DOCK6: variants seen among roughly 807,000 people sequenced by gnomAD.
DOCK6 encodes dedicator of cytokinesis 6, also known as dedicator of cytokinesis protein 6.
Under a neutral mutation model 230.3 loss-of-function variants are expected in DOCK6, and 167 were observed. The ratio of observed to expected loss-of-function variants is 0.73; its 90% CI spans 0.64 to 0.82. The LOEUF (loss-of-function observed/expected upper bound fraction) is 0.82, where lower values mean the gene tolerates loss of function less well. Among genes scored for constraint, DOCK6 ranks in the 40% least tolerant of loss-of-function variants. The pLI, the probability that DOCK6 is intolerant of heterozygous loss-of-function variation, is 0.00. For missense variants in DOCK6, 2,598 were observed against 2,825.8 expected (o/e 0.92, Z 1.83); for synonymous variants, 1,148 against 1,185.0 (o/e 0.97, Z 0.64).
chr19:11,222,696 G>A lies in DOCK6; in HGVS notation c.3240+39C>T. 6.5e-7 allele frequency: 1 copy of A among 1,532,938 alleles called. No homozygotes were observed. The highest frequency in any genetic ancestry group is 8.8e-7 in the Non-Finnish European group (1 of 1,133,940). 95.0% of individuals were successfully genotyped at this position (1,532,938 alleles called of 1,614,324 possible). ...GGAGATGGACTGAAGGTGAGAGGTT[G>A]TAGGTCAAAGAGAGGAGGCAGAAGT... On this transcript the variant is annotated intron_variant, in intron 26 of 47. Transcript: ENST00000294618. This position sits in a 1 kb window ranked among gnomAD's most constrained non-coding sequence, Gnocchi z 4.0.
chr19:11,211,770 C>T lies in DOCK6; in HGVS notation c.4751+6G>A. On this transcript the variant is annotated splice_donor_region_variant and intron_variant, in intron 37 of 47. Transcript: ENST00000294618. ...GTGGCTGAAGGTGCCAGCTGGCCCA[C>T]CTCACCTGTACATGAGGTCGATGAG... 2 of 1,547,232 alleles carry T rather than the reference C, an allele frequency of 1.3e-6. No individual in the cohort carries two copies. Among genetic ancestry groups the T allele is most frequent in the Non-Finnish European group, 1.7e-6 (2 of 1,143,358 alleles).
intron 4 of DOCK6, 106 bp from the exon 5 acceptor site, chr19:11,252,354 T>A (rs1041718537): frequency 5.1e-6 from 8 of 1,579,184 alleles, no homozygotes; most frequent in Non-Finnish European, 6.9e-6. Flanking sequence ...ACCGTCCTTG[T>A]GCTCCACCAG....
chr19:11,238,026 C>T lies in DOCK6; in HGVS notation c.1832+19G>A. On this transcript the variant is annotated intron_variant, in intron 16 of 47. Coordinates refer to ENST00000294618, the MANE Select transcript of DOCK6 (RefSeq NM_020812.4). Reference sequence around the variant, plus strand: ...CCCCCATGAGTGCCCCCAAGTTCCTCACGTGTCCCCCTACATACTTGTTAT... The same window carrying T: ...CCCCCATGAGTGCCCCCAAGTTCCTTACGTGTCCCCCTACATACTTGTTAT... 1 of 1,613,598 alleles carries T rather than the reference C, an allele frequency of 6.2e-7. No individual in the cohort carries two copies. The highest frequency in any genetic ancestry group is 1.1e-5 in the South Asian group (1 of 91,056).
At position 11,235,777 on chromosome 19, in the gene DOCK6, G is replaced by A. The variant is rs530653236; in HGVS notation, c.2393-18C>T. On this transcript the variant is annotated intron_variant, in intron 20 of 47. Coordinates refer to ENST00000294618, the MANE Select transcript of DOCK6 (RefSeq NM_020812.4). ...CAGGTTCACTGCAGGGCAGAGCAGAGGTCAAGTTCCAGGGCCCAAGGCCTC... is the reference window on the plus strand; with the variant it reads ...CAGGTTCACTGCAGGGCAGAGCAGAAGTCAAGTTCCAGGGCCCAAGGCCTC... 3.2e-6 allele frequency: 5 copies of A among 1,572,958 alleles called. No individual in the cohort carries two copies. Among genetic ancestry groups the A allele is most frequent in the African/African-American group, 2.7e-5 (2 of 74,230 alleles).
chr19:11,212,142 G>T lies in DOCK6; in HGVS notation c.4501C>A (p.Arg1501Ser). Residue 1501 changes from arginine to serine, a missense_variant, in exon 36 of 48, where the codon CGT becomes AGT. Coordinates refer to ENST00000294618, the MANE Select transcript of DOCK6 (RefSeq NM_020812.4). ...QNFEIGHNFA[R>S]VKMQVTMSLS... ...GACATGGTGACCTGCATCTTCACAC[G>T]GGCAAAGTTCTGCAGGGACAGGGGC... is the stretch of plus-strand genomic sequence containing the variant. 1.2e-6 allele frequency: 2 copies of T among 1,609,724 alleles called. No individual in the cohort carries two copies. The highest frequency in any genetic ancestry group is 1.7e-6 in the Non-Finnish European group (2 of 1,179,658).
chr19:11,205,864 A>G (rs1396014253), intron 39 of DOCK6: 1 of 149,252 alleles, frequency 6.7e-6, no homozygotes, highest in Non-Finnish European at 1.5e-5. Context: ...ACCTCAAGTG[A>G]TCTGCCCGCC....
chr19:11,227,207 CGGAT>C, intron 24 of DOCK6, 126 bp downstream of exon 24: 1 of 1,261,098 alleles, frequency 7.9e-7, no homozygotes, highest in South Asian at 1.4e-5. Context: ...AATGAATGAA[CGGAT>C]CCACCCAGCA....
chr19:11,209,119 G>C lies in DOCK6; in HGVS notation c.4752-16C>G, dbSNP rs745910688. ...CCGGGCAATTCTGGAGTCCAGGTGA[G>C]GGGGGATGTGAGGAGGGGACTCACC... On this transcript the variant is annotated splice_polypyrimidine_tract_variant and intron_variant, in intron 37 of 47. Coordinates refer to ENST00000294618, the MANE Select transcript of DOCK6 (RefSeq NM_020812.4). The C allele has an allele frequency of 6.2e-7, 1 of 1,606,998 alleles. No homozygotes were observed. Among genetic ancestry groups the C allele is most frequent in the Non-Finnish European group, 8.5e-7 (1 of 1,177,388 alleles).
intron 3 of DOCK6, 78 bp downstream of exon 3, chr19:11,252,705 A>T: frequency 1.3e-6 from 2 of 1,596,576 alleles, no homozygotes; most frequent in Non-Finnish European, 1.7e-6. Flanking sequence ...CCAAGCCAGG[A>T]GCTGAAGTCG....
rs1468035835 is a variant in DOCK6 at position 11,227,383 on chromosome 19, G to A, written c.2909C>T (p.Ala970Val). 1.9e-6 allele frequency: 3 copies of A among 1,613,870 alleles called. No individual in the cohort carries two copies. In the Admixed American group the frequency reaches 5.0e-5, roughly 27 times the overall value. Residue 970 changes from alanine to valine, a missense_variant, in exon 24 of 48, where the codon GCC becomes GTC. By Grantham distance (64) the Ala-to-Val change is moderately conservative (BLOSUM62 0). Transcript: ENST00000294618. ...CTCCAGGCCCACAGAGCCCACCAAG[G>A]CAGTGATGTCGTCCAGGAAGCGTCC... Reference protein sequence around the residue: ...FPGRFLDDITALVGSVGLEVI... With the variant: ...FPGRFLDDITVLVGSVGLEVI...
chr19:11,229,393 A>G (rs1036185226), intron 22 of DOCK6: 8 of 1,072,432 alleles, frequency 7.5e-6, no homozygotes, highest in Non-Finnish European at 9.1e-6. Flanking sequence ...TCGATGGCCT[A>G]TGATGGGATG....
intron 18 of DOCK6, 168 bp downstream of exon 18, chr19:11,237,288 A>G: frequency 1.4e-6 from 1 of 695,624 alleles, no homozygotes. Flanking sequence ...TGGGGAGGAC[A>G]TGTAGGACAC....
chr19:11,226,669 C>A (rs2079669645), intron 24 of DOCK6, among the ~76,000 whole-genome samples: 2 of 151,956 alleles, frequency 1.3e-5, no homozygotes, highest in Non-Finnish European at 2.9e-5. Flanking sequence ...AGAAAAAAAA[C>A]AACAACAAAA....
intron 22 of DOCK6, 139 bp from the exon 23 acceptor site, chr19:11,229,174 G>C (rs2079722876): frequency 1.7e-6 from 2 of 1,201,970 alleles, no homozygotes; most frequent in Non-Finnish European, 2.3e-6. Context: ...GGGGACAAGA[G>C]GAGTGGAAGT....
At chr19:11,210,619 T>C (rs532281057) in intron 37 of DOCK6, among the ~76,000 whole-genome samples, 1 of 144,178 alleles carries the variant, frequency 6.9e-6, no homozygotes, top group Non-Finnish European at 1.5e-5. Flanking sequence ...TTCACCTGTC[T>C]GTCCCCTCAC....
Position 11,237,207 on chromosome 19 carries a change from A to G in DOCK6, c.2073+249T>C, listed in dbSNP as rs557682580. 3.3e-4 allele frequency: 195 copies of G among 597,118 alleles called. 2 individuals carry two copies. The South Asian group carries it at 3.8e-3, about 12-fold the overall frequency. 37.0% of individuals were successfully genotyped at this position (597,118 alleles called of 1,614,324 possible). On this transcript the variant is annotated intron_variant, in intron 18 of 47. Coordinates refer to ENST00000294618, the MANE Select transcript of DOCK6 (RefSeq NM_020812.4). Reference sequence around the variant, plus strand: ...GGGAATGATAAGGTACTACGAGGGCAGGGGACAGTGATCAGGAAGGCAGTC... The same window carrying G: ...GGGAATGATAAGGTACTACGAGGGCGGGGGACAGTGATCAGGAAGGCAGTC...
At position 11,213,087 on chromosome 19, in the gene DOCK6, C is replaced by T. The variant is rs2079419032; in HGVS notation, c.4491+89G>A. The T allele has an allele frequency of 3.3e-6, 5 of 1,499,518 alleles. No homozygotes were observed. In the Admixed American group the frequency reaches 5.7e-5, roughly 17 times the overall value. The allele number at this position is 1,499,518 out of a possible 1,614,324, so 92.9% of individuals were successfully genotyped here. ...TGCTCATTATGCTCAATGACTGTCT[C>T]CCCCTCCCTCACTCCCTGTATGGTT... is the stretch of plus-strand genomic sequence containing the variant. On this transcript the variant is annotated intron_variant, in intron 35 of 47. Transcript: ENST00000294618.
chr19:11,253,059 G>C lies in DOCK6; in HGVS notation c.133-101C>G, dbSNP rs1164910130. 11 of 1,210,810 alleles carry C rather than the reference G, an allele frequency of 9.1e-6. No homozygotes were observed. In the Admixed American group the frequency reaches 2.6e-4, roughly 29 times the overall value. 75.0% of individuals were successfully genotyped at this position (1,210,810 alleles called of 1,614,324 possible). On this transcript the variant is annotated intron_variant, in intron 2 of 47. Coordinates refer to ENST00000294618, the MANE Select transcript of DOCK6 (RefSeq NM_020812.4). Reference sequence around the variant, plus strand: ...GCGCTGGCTTCAAACTCAAATAGGAGGGCGGTGGGAGCCATGGAGGGTGTT... The same window carrying C: ...GCGCTGGCTTCAAACTCAAATAGGACGGCGGTGGGAGCCATGGAGGGTGTT...
chr19:11,238,257 T>C lies in DOCK6; in HGVS notation c.1691A>G (p.Gln564Arg). The change falls in exon 15 of 48, where the codon CAG (glutamine) becomes CGG (arginine). Residue 564 changes from glutamine (Q) to arginine (R), a missense_variant. Coordinates refer to ENST00000294618, the MANE Select transcript of DOCK6 (RefSeq NM_020812.4). ...CACAGCAAGGTTGCGCACGGAGCCC[T>C]GGCGGCTGCTGAAGTTGAGGCTGTG... ...YPHSLNFSSRQGSVRNLAVRV... is the reference protein window; with the variant it reads ...YPHSLNFSSRRGSVRNLAVRV... 2 of 1,612,938 alleles carry C rather than the reference T, an allele frequency of 1.2e-6. No homozygotes were observed. Among genetic ancestry groups the C allele is most frequent in the Non-Finnish European group, 1.7e-6 (2 of 1,179,398 alleles).
Sources: allele counts gnomAD v4.1 joint callset (sites outside exome capture counted in the v4.1 genomes callset), GRCh38; gene constraint gnomAD v4.1.1; non-coding constraint Gnocchi (gnomAD v3.1); transcripts MANE v1.5; gene names NCBI Gene and HGNC (gene_info 2026-07-23, HGNC 2026-07-21).